The following TMCO4 variants were observed in gnomAD, a reference collection of about 807,000 sequenced individuals.
The protein encoded by TMCO4 is transmembrane and coiled-coil domain-containing protein 4.
TMCO4 carries 58 observed loss-of-function variants against 64.7 expected under a neutral mutation model. The ratio of observed to expected loss-of-function variants is 0.90; its 90% confidence interval spans 0.73 to 1.12. The LOEUF (loss-of-function observed/expected upper bound fraction) is 1.12. TMCO4 is among the 50% of genes most tolerant of loss of function. The probability of loss-of-function intolerance (pLI) is 0.00; values close to 1 mark genes in which losing one functional copy is unlikely to be tolerated. For missense variants in TMCO4, 780 were observed against 825.9 expected (o/e 0.94, Z 0.68); for synonymous variants, 325 against 346.1 (o/e 0.94, Z 0.68).
Position 19,780,772 on chromosome 1 carries a change from G to T in TMCO4, c.-8-6C>A. 6.4e-7 allele frequency: 1 copy of T among 1,550,910 alleles called. No individual in the cohort carries two copies. The highest frequency in any genetic ancestry group is 8.7e-7 in the Non-Finnish European group (1 of 1,152,692). On this transcript the variant is annotated splice_polypyrimidine_tract_variant and splice_region_variant and intron_variant, in intron 3 of 15. Coordinates refer to ENST00000294543, the MANE Select transcript of TMCO4 (RefSeq NM_181719.7). ...CCACATGGCCATTCCCAGCGCTGCA[G>T]GAGAAAATTCCCAGTGAGAAATGCT...
At chr1:19,711,490 T>C (rs1199457970) in intron 13 of TMCO4, among the ~76,000 whole-genome samples, 2 of 152,084 alleles carry the variant, frequency 1.3e-5, no homozygotes, top group Non-Finnish European at 2.9e-5. Flanking sequence ...TGTAGGGAGA[T>C]TTATTTGCTT....
intron 10 of TMCO4, among the ~76,000 whole-genome samples, chr1:19,742,383 G>A (rs968947336): frequency 2.6e-5 from 4 of 152,176 alleles, no homozygotes; most frequent in Non-Finnish European, 5.9e-5. Flanking sequence ...TGGAGGGGTG[G>A]AGACAGCTTC....
chr1:19,763,020 C>T (rs1438179687), intron 6 of TMCO4, among the ~76,000 whole-genome samples: 2 of 152,212 alleles, frequency 1.3e-5, no homozygotes, highest in East Asian at 3.8e-4. Context: ...AGTCTCTTAA[C>T]CTCTCTGAGC....
At chr1:19,715,924 C>A (rs770230573) in intron 13 of TMCO4, among the ~76,000 whole-genome samples, 8 of 152,302 alleles carry the variant, frequency 5.3e-5, no homozygotes, top group Middle Eastern at 3.4e-3. Context: ...AGAAAGCCTG[C>A]CCCTCCCTGG....
At chr1:19,694,664 G>A in intron 14 of TMCO4, 113 bp from the exon 15 acceptor site, 2 of 914,278 alleles carry the variant, frequency 2.2e-6, no homozygotes, top group South Asian at 1.6e-5. Context: ...GCTTCTGGGG[G>A]AAAACAGGGC....
intron 1 of TMCO4, 144 bp downstream of exon 1, chr1:19,799,711 G>C (rs999364262): frequency 2.6e-5 from 4 of 152,320 alleles, no homozygotes; most frequent in Admixed American, 6.5e-5. Flanking sequence ...GGTGGGTCCA[G>C]TGTCCCCGGG....
chr1:19,764,185 T>G lies in TMCO4; in HGVS notation c.382+6357A>C, dbSNP rs79765526. ...CTTAAAGTCAGCTTCAGGGGTGAAG[T>G]CTCCACTTATCTCCATGTGGGAGGT... is the stretch of plus-strand genomic sequence containing the variant. On this transcript the variant is annotated intron_variant, in intron 6 of 15. Transcript: ENST00000294543. 2.5e-3 allele frequency among the ~76,000 whole-genome samples: 383 copies of G among 152,202 alleles called. 11 individuals are homozygous for G. In the East Asian group the frequency reaches 0.063, roughly 25 times the overall value.
rs200907576 is a variant in TMCO4 at position 19,740,760 on chromosome 1, C to T, written c.1042+17G>A. On this transcript the variant is annotated intron_variant, in intron 11 of 15. Coordinates refer to ENST00000294543, the MANE Select transcript of TMCO4 (RefSeq NM_181719.7). ...CAGTGGGCATGCTGTTGTTGGGGGG[C>T]AGGTGGGGGCACTTACCAGACAACA... 1 of 1,596,516 alleles carries T rather than the reference C, an allele frequency of 6.3e-7. No homozygotes were observed. Among genetic ancestry groups the T allele is most frequent in the Admixed American group, 1.7e-5 (1 of 58,438 alleles).
intron 4 of TMCO4, among the ~76,000 whole-genome samples, chr1:19,772,861 A>G (rs1245568409): frequency 6.6e-6 from 1 of 152,130 alleles, no homozygotes; most frequent in African/African-American, 2.4e-5. Context: ...AGTGGGACCG[A>G]GACCTTGATG....
At chr1:19,687,328 C>T (rs2095157313) in intron 15 of TMCO4, among the ~76,000 whole-genome samples, 1 of 152,188 alleles carries the variant, frequency 6.6e-6, no homozygotes, top group Non-Finnish European at 1.5e-5. Flanking sequence ...CTCAAGAGAT[C>T]CTCCTGCTTC....
chr1:19,726,815 TC>T (rs1338886533), intron 13 of TMCO4, among the ~76,000 whole-genome samples: 1 of 152,084 alleles, frequency 6.6e-6, no homozygotes, highest in Non-Finnish European at 1.5e-5. Context: ...GTAGTAGGGA[TC>T]TCAGTAAATG....
intron 6 of TMCO4, among the ~76,000 whole-genome samples, chr1:19,759,872 G>A (rs140378933): frequency 2.0e-5 from 3 of 152,278 alleles, no homozygotes; most frequent in Admixed American, 1.3e-4. Flanking sequence ...CCAGTGCTTG[G>A]GACAATGCCT....
At chr1:19,783,747 CA>C (rs1487465993) in intron 3 of TMCO4, among the ~76,000 whole-genome samples, 1 of 152,190 alleles carries the variant, frequency 6.6e-6, no homozygotes, top group Non-Finnish European at 1.5e-5. Context: ...CTTTTGACTC[CA>C]AACCTTGAGC....
chr1:19,687,812 T>G lies in TMCO4; in HGVS notation c.1501-4368A>C, dbSNP rs956905831. The stretch of plus-strand genomic sequence containing the variant: ...GGCTGCAGCTGATACCAGATGGAAA[T>G]TCCACTGAGAGCTGTCCTAGAACAC... On this transcript the variant is annotated intron_variant, in intron 15 of 15. Transcript: ENST00000294543. 5.3e-5 allele frequency among the ~76,000 whole-genome samples: 8 copies of G among 152,266 alleles called. 2 individuals carry two copies. Among genetic ancestry groups the G allele is most frequent in the Admixed American group, 6.5e-5 (1 of 15,294 alleles).
rs186441685 is a variant in TMCO4, at chr1:19,700,793, C to T, written c.1357G>A (p.Gly453Arg). 124 of 1,614,204 alleles carry T rather than the reference C, an allele frequency of 7.7e-5. No homozygotes were observed. Among genetic ancestry groups the T allele is most frequent in the South Asian group, 3.1e-4 (28 of 91,074 alleles). Residue 453 changes from glycine (G) to arginine (R), a missense_variant, in exon 14 of 16, where the codon GGG becomes AGG. By Grantham distance (125) the Gly-to-Arg change is moderately radical (BLOSUM62 -2). Transcript: ENST00000294543. ...HWEPFRKVVS[G>R]RIINGYCRGD... ...CTGCAGTAGCCGTTGATGATCCTCC[C>T]GGACACCACCTTCCGGAAAGGCTCC...
chr1:19,696,918 G>A (rs1043223731), intron 14 of TMCO4, among the ~76,000 whole-genome samples: 3 of 152,136 alleles, frequency 2.0e-5, no homozygotes, highest in African/African-American at 4.8e-5. Flanking sequence ...TTCTCCACCC[G>A]GCTCTGGACC....
intron 11 of TMCO4, 26 bp from the exon 12 acceptor site, chr1:19,739,986 G>A (rs773823888): frequency 1.9e-6 from 3 of 1,605,240 alleles, no homozygotes; most frequent in South Asian, 1.1e-5. Flanking sequence ...AGTGATGAAG[G>A]GAATGGCCCC....
intron 9 of TMCO4, 72 bp downstream of exon 9, chr1:19,746,384 G>C: frequency 6.3e-7 from 1 of 1,584,756 alleles, no homozygotes; most frequent in South Asian, 1.1e-5. Context: ...GAGGATCCAG[G>C]CATGTCCTTT....
At chr1:19,716,038 C>G (rs1026359341) in intron 13 of TMCO4, among the ~76,000 whole-genome samples, 1 of 152,028 alleles carries the variant, frequency 6.6e-6, no homozygotes, top group Non-Finnish European at 1.5e-5. Flanking sequence ...AGGGACAGGC[C>G]GGGTGCACTG....
Sources: allele counts gnomAD v4.1 joint callset (sites outside exome capture counted in the v4.1 genomes callset), GRCh38; gene constraint gnomAD v4.1.1; transcripts MANE v1.5; gene names NCBI Gene and HGNC (gene_info 2026-07-23, HGNC 2026-07-21).